The following LRRIQ1 variants were observed in gnomAD, a reference collection of about 807,000 sequenced individuals.
The protein encoded by LRRIQ1 is leucine rich repeats and IQ motif containing 1, also known as leucine-rich repeat- and IQ domain-containing protein 1.
A neutral mutation model predicts 211.9 loss-of-function variants in LRRIQ1; 210 were observed. That is an observed-to-expected ratio of 0.99 (90% CI 0.89 to 1.11). LRRIQ1 has a LOEUF of 1.11. Ranked by LOEUF, LRRIQ1 falls within the 50% of genes most tolerant of loss-of-function variation. LRRIQ1 has a pLI of 0.00. For synonymous variants in LRRIQ1, 699 were observed against 650.1 expected, an observed-to-expected ratio of 1.08 and a Z score of -1.14; for missense variants, 2,136 against 1,939.5, an observed-to-expected ratio of 1.10 and a Z score of -1.90.
intron 24 of LRRIQ1, among the ~76,000 whole-genome samples, chr12:85,176,360 T>A (rs148502344): frequency 8.9e-4 from 135 of 152,094 alleles, no homozygotes; most frequent in African/African-American, 2.9e-3. Flanking sequence ...TGATTTTGTA[T>A]CATGAGAGTT....
rs1472803556 is a variant in LRRIQ1 at position 85,047,347 on chromosome 12, GAAAC to G, written c.560_563del (p.Gln187LeufsTer24). The G allele has an allele frequency of 6.2e-7, 1 of 1,602,378 alleles. No homozygotes were observed. The highest frequency in any genetic ancestry group is 8.5e-7 in the Non-Finnish European group (1 of 1,172,656). On this transcript the variant is annotated frameshift_variant, in exon 6 of 27. Transcript: ENST00000393217. LOFTEE classifies it high-confidence loss of function. The stretch of plus-strand genomic sequence containing the variant: ...AACAGAAGGAATTAGAAGATAAAGA[GAAAC>G]AAACTCTCAAAGCTCAGAGGGATAG...
chr12:85,048,798 G>T (rs1879958168), intron 6 of LRRIQ1, among the ~76,000 whole-genome samples: 1 of 151,974 alleles, frequency 6.6e-6, no homozygotes, highest in Admixed American at 6.6e-5. Context: ...GTATTTGTTG[G>T]TTTGTACTAA....
At chr12:85,196,518 C>A (rs1193691088) in intron 24 of LRRIQ1, among the ~76,000 whole-genome samples, 1 of 151,908 alleles carries the variant, frequency 6.6e-6, no homozygotes, top group Admixed American at 6.6e-5. Context: ...TCAGAAATAA[C>A]ACCACATATC....
At chr12:85,163,796 T>C (rs987071379) in intron 24 of LRRIQ1, among the ~76,000 whole-genome samples, 3 of 152,242 alleles carry the variant, frequency 2.0e-5, no homozygotes, top group South Asian at 2.1e-4. Context: ...TATTATACCA[T>C]TTTTACAGTC....
At chr12:85,151,042 T>A (rs1340863849) in intron 19 of LRRIQ1, among the ~76,000 whole-genome samples, 1 of 151,508 alleles carries the variant, frequency 6.6e-6, no homozygotes, top group Non-Finnish European at 1.5e-5. Flanking sequence ...GTCACCATGT[T>A]GTGCAAAAGA....
chr12:85,137,741 C>G, intron 18 of LRRIQ1, 109 bp from the exon 19 acceptor site: 1 of 860,962 alleles, frequency 1.2e-6, no homozygotes. Context: ...ATTATTGTGT[C>G]ATTAAACTTA....
chr12:85,077,247 G>A (rs1883760750), intron 11 of LRRIQ1, among the ~76,000 whole-genome samples: 1 of 152,190 alleles, frequency 6.6e-6, no homozygotes. Context: ...ATTTCTGTGG[G>A]AAGAATTATT....
At position 85,065,287 on chromosome 12, in the gene LRRIQ1, T is replaced by C. The variant is rs1882311383; in HGVS notation, c.2417T>C (p.Leu806Ser). The change falls in exon 9 of 27, where the codon TTG becomes TCG. Residue 806 changes from leucine (L) to serine (S), a missense_variant. Physicochemically the swap from Leu to Ser is moderately radical, Grantham distance 145. Coordinates refer to ENST00000393217, the MANE Select transcript of LRRIQ1 (RefSeq NM_001079910.2). ...QQVTTVTFQD[L>S]PGCVLSTLAE... ...GTTACAACAGTTACATTTCAAGATT[T>C]GCCAGGCTGTGTTCTCTCCACACTG... 2.5e-6 allele frequency: 4 copies of C among 1,609,782 alleles called. No individual in the cohort carries two copies. The East Asian group carries it at 8.9e-5, about 36-fold the overall frequency.
At position 85,065,258 on chromosome 12, in the gene LRRIQ1, C is replaced by A; in HGVS notation, c.2392-4C>A. On this transcript the variant is annotated splice_region_variant and splice_polypyrimidine_tract_variant and intron_variant, in intron 8 of 26. Coordinates refer to ENST00000393217, the MANE Select transcript of LRRIQ1 (RefSeq NM_001079910.2). Reference sequence around the variant, plus strand: ...ACACACTCCAATTTTCTTGGTTCCTCTAGGTTACAACAGTTACATTTCAAG... The same window carrying A: ...ACACACTCCAATTTTCTTGGTTCCTATAGGTTACAACAGTTACATTTCAAG... 1 of 1,602,654 alleles carries A rather than the reference C, an allele frequency of 6.2e-7. No homozygotes were observed. Among genetic ancestry groups the A allele is most frequent in the Non-Finnish European group, 8.5e-7 (1 of 1,174,280 alleles).
In LRRIQ1 at chr12:85,060,795, C is replaced by T. The variant is rs889531126; in HGVS notation, c.2391+3611C>T. On this transcript the variant is annotated intron_variant, in intron 8 of 26. Coordinates refer to ENST00000393217, the MANE Select transcript of LRRIQ1 (RefSeq NM_001079910.2). The stretch of plus-strand genomic sequence containing the variant: ...GTTGCTTGCATTACTTTTGTAATTA[C>T]GTTTACCATAGATGACTGACACTTC... Among the ~76,000 whole-genome samples, 8 of 151,672 alleles carry T rather than the reference C, an allele frequency of 5.3e-5. 1 individual carries two copies. The highest frequency in any genetic ancestry group is 4.6e-4 in the Admixed American group (7 of 15,176).
At chr12:85,267,392 A>G (rs1222458375), downstream of LRRIQ1, among the ~76,000 whole-genome samples, 1 of 152,032 alleles carries the variant, frequency 6.6e-6, no homozygotes, top group Non-Finnish European at 1.5e-5. Flanking sequence ...CCCTAAAATT[A>G]CATGTCTTAA....
chr12:85,156,647 T>C (rs1490902985), intron 23 of LRRIQ1, among the ~76,000 whole-genome samples: 1 of 151,846 alleles, frequency 6.6e-6, no homozygotes, highest in Non-Finnish European at 1.5e-5. Context: ...TAAAACAATG[T>C]TTTAAATATC....
intron 3 of LRRIQ1, among the ~76,000 whole-genome samples, chr12:85,042,082 A>G (rs1878952735): frequency 1.3e-5 from 2 of 151,982 alleles, no homozygotes; most frequent in Non-Finnish European, 2.9e-5. Context: ...TTAAACACTG[A>G]AAATATAAAT....
chr12:85,057,615 AGGG>A (rs1197930580), intron 8 of LRRIQ1, among the ~76,000 whole-genome samples: 1 of 152,078 alleles, frequency 6.6e-6, no homozygotes, highest in Non-Finnish European at 1.5e-5. Context: ...TTGTGAAAGA[AGGG>A]CTTGCATGAT....
intron 24 of LRRIQ1, among the ~76,000 whole-genome samples, chr12:85,225,177 A>G (rs577694461): frequency 6.6e-6 from 1 of 152,104 alleles, no homozygotes; most frequent in Non-Finnish European, 1.5e-5. Context: ...ATAACAGTTT[A>G]TATTATATTG....
chr12:85,186,808 G>T (rs1467001208), intron 24 of LRRIQ1, among the ~76,000 whole-genome samples: 1 of 151,588 alleles, frequency 6.6e-6, no homozygotes, highest in South Asian at 2.1e-4. Flanking sequence ...TCAGAGAAGT[G>T]CACACCTCTT....
chr12:85,187,845 T>A (rs1377005603), intron 24 of LRRIQ1, among the ~76,000 whole-genome samples: 1 of 150,524 alleles, frequency 6.6e-6, no homozygotes, highest in Non-Finnish European at 1.5e-5. Flanking sequence ...ATAGGTCTGA[T>A]CTTTTTGCTG....
rs754083163 is a variant in LRRIQ1 at position 85,124,400 on chromosome 12, T to G, written c.3888T>G (p.Cys1296Trp). 6.2e-7 allele frequency: 1 copy of G among 1,613,980 alleles called. No homozygotes were observed. Among genetic ancestry groups the G allele is most frequent in the Non-Finnish European group, 8.5e-7 (1 of 1,179,998 alleles). ...GAAGACATCAGGAAATATTAGTATG[T>G]CAGAAGAGAGAAGACAGCAAGGCAA... ...MEGRHQEILVCQKREDSKASS... is the reference protein window; with the variant it reads ...MEGRHQEILVWQKREDSKASS... Residue 1296 changes from cysteine (C) to tryptophan (W), a missense_variant, in exon 17 of 27, where the codon TGT (cysteine) becomes TGG (tryptophan). Physicochemically the swap from Cys to Trp is radical, Grantham distance 215. Transcript: ENST00000393217.
intron 3 of LRRIQ1, among the ~76,000 whole-genome samples, chr12:85,041,796 G>A (rs941798891): frequency 1.3e-5 from 2 of 151,738 alleles, no homozygotes; most frequent in African/African-American, 4.8e-5. Flanking sequence ...AGGTAGTCAA[G>A]CTACTACAAG....
Sources: gnomAD v4.1 joint callset for allele counts (sites outside exome capture counted in the v4.1 genomes callset) on GRCh38, gnomAD v4.1.1 for gene constraint, MANE v1.5 for transcripts, NCBI Gene and HGNC (gene_info 2026-07-23, HGNC 2026-07-21) for gene names.